The following CSMD1 variants were observed in gnomAD, a reference collection of about 807,000 sequenced individuals.
The protein encoded by CSMD1 is CUB and Sushi multiple domains 1, also known as CUB and sushi domain-containing protein 1.
A neutral mutation model predicts 417.5 loss-of-function variants in CSMD1; 213 were observed. The ratio of observed to expected loss-of-function variants is 0.51; its 90% CI spans 0.46 to 0.57. The LOEUF (loss-of-function observed/expected upper bound fraction) is 0.57. CSMD1 is among the 20% of genes least tolerant of loss of function. CSMD1 has a pLI of 0.00. For synonymous variants in CSMD1, 2,862 were observed against 1,736.8 expected (o/e 1.65, Z -16.11); for missense variants, 6,923 against 4,529.7 (o/e 1.53, Z -15.17).
chr8:3,995,275 A>G (rs931189338), intron 5 of CSMD1, among the ~76,000 whole-genome samples: 14 of 152,222 alleles, frequency 9.2e-5, no homozygotes, highest in African/African-American at 3.1e-4. Context: ...GCCTCCACTG[A>G]AGAGTCATTG....
rs944124399 is a variant in CSMD1 at position 3,475,318 on chromosome 8, A to G, written c.1449-6494T>C. On this transcript the variant is annotated intron_variant, in intron 11 of 69. Coordinates refer to ENST00000635120, the MANE Select transcript of CSMD1 (RefSeq NM_033225.6). ...CAATTTTATGTCTCTTGGCCACTTT[A>G]TCCCTAGTCTCTAGTAAATAACATA... is the stretch of plus-strand genomic sequence containing the variant. Among the ~76,000 whole-genome samples, 17 of 152,296 alleles carry G rather than the reference A, an allele frequency of 1.1e-4. 1 individual carries two copies. In the South Asian group the frequency reaches 3.5e-3, roughly 32 times the overall value.
chr8:4,143,932 C>G lies in CSMD1; in HGVS notation c.416-111833G>C, dbSNP rs375025028. Among the ~76,000 whole-genome samples the G allele has an allele frequency of 1.2e-3, 176 of 151,290 alleles. 10 individuals are homozygous for G. Among genetic ancestry groups the G allele is most frequent in the African/African-American group, 4.1e-3 (166 of 40,636 alleles). ...GGCTGGGGTGAATTGGCCCGTGTTGCAGATGAAGGGATGGCCAGTGCTTGG... is the reference window on the plus strand; with the variant it reads ...GGCTGGGGTGAATTGGCCCGTGTTGGAGATGAAGGGATGGCCAGTGCTTGG... On this transcript the variant is annotated intron_variant, in intron 3 of 69. Transcript: ENST00000635120.
intron 15 of CSMD1, among the ~76,000 whole-genome samples, chr8:3,404,170 C>A (rs1275289430): frequency 6.6e-6 from 1 of 152,026 alleles, no homozygotes; most frequent in Non-Finnish European, 1.5e-5. Context: ...GTCCCCTCTA[C>A]TAAAAATACA....
At position 3,366,306 on chromosome 8, in the gene CSMD1, C is replaced by T. The variant is rs182786650; in HGVS notation, c.3115+726G>A. 1.4e-3 allele frequency among the ~76,000 whole-genome samples: 216 copies of T among 152,192 alleles called. 1 individual carries two copies. Among genetic ancestry groups the T allele is most frequent in the African/African-American group, 4.6e-3 (193 of 41,524 alleles). ...TTCTCAGTGTGACCTGTTCACTGAGCATCATTTGTTTATGTGACCAAGTTT... is the reference window on the plus strand; with the variant it reads ...TTCTCAGTGTGACCTGTTCACTGAGTATCATTTGTTTATGTGACCAAGTTT... On this transcript the variant is annotated intron_variant, in intron 20 of 69. Coordinates refer to ENST00000635120, the MANE Select transcript of CSMD1 (RefSeq NM_033225.6).
intron 3 of CSMD1, among the ~76,000 whole-genome samples, chr8:4,112,850 T>A (rs753879497): frequency 1.3e-5 from 2 of 152,212 alleles, no homozygotes; most frequent in Non-Finnish European, 2.9e-5. Context: ...TTTGCTGATA[T>A]TGCGTTTTTA....
At chr8:4,622,655 C>G (rs1313197492) in intron 2 of CSMD1, among the ~76,000 whole-genome samples, 6 of 152,120 alleles carry the variant, frequency 3.9e-5, no homozygotes, top group African/African-American at 1.4e-4. Flanking sequence ...GGGCAATATG[C>G]TAATAACTGG....
At chr8:4,066,094 C>G (rs527254367) in intron 3 of CSMD1, among the ~76,000 whole-genome samples, 12 of 152,168 alleles carry the variant, frequency 7.9e-5, no homozygotes, top group Non-Finnish European at 1.6e-4. Context: ...ACAATGAAAA[C>G]AGTTCTGAGC....
In CSMD1 at chr8:3,012,600, A is replaced by G. The variant is rs1314031048; in HGVS notation, c.8029+5877T>C. ...AAATGCTTTTGTCAAAAAATCTTGC[A>G]CCAGGATGGAAAACATATTGGACCT... On this transcript the variant is annotated intron_variant, in intron 52 of 69. Coordinates refer to ENST00000635120, the MANE Select transcript of CSMD1 (RefSeq NM_033225.6). 4.4e-4 allele frequency among the ~76,000 whole-genome samples: 67 copies of G among 152,198 alleles called. 1 individual carries two copies. The highest frequency in any genetic ancestry group is 4.4e-3 in the Admixed American group (67 of 15,278).
At chr8:3,844,334 C>G (rs761245007) in intron 5 of CSMD1, among the ~76,000 whole-genome samples, 3 of 152,078 alleles carry the variant, frequency 2.0e-5, no homozygotes, top group East Asian at 1.9e-4. Context: ...AAGTCAATGA[C>G]AATACTTCAG....
chr8:2,983,601 CT>C (rs1277441282), intron 54 of CSMD1, among the ~76,000 whole-genome samples: 1 of 152,232 alleles, frequency 6.6e-6, no homozygotes, highest in African/African-American at 2.4e-5. Flanking sequence ...GAACCGTGGA[CT>C]TTCACTTGTA....
At chr8:4,752,096 C>T (rs1211792515) in intron 1 of CSMD1, among the ~76,000 whole-genome samples, 1 of 150,638 alleles carries the variant, frequency 6.6e-6, no homozygotes, top group African/African-American at 2.4e-5. Context: ...TGTGTGTGTA[C>T]ATGTATCACA....
intron 1 of CSMD1, among the ~76,000 whole-genome samples, chr8:4,842,220 G>T (rs986705825): frequency 2.0e-5 from 3 of 152,146 alleles, no homozygotes; most frequent in Non-Finnish European, 4.4e-5. Flanking sequence ...TTGAGTGTGG[G>T]AATTAAGGGA....
chr8:4,958,366 C>T (rs962615754), intron 1 of CSMD1, among the ~76,000 whole-genome samples: 2 of 151,854 alleles, frequency 1.3e-5, no homozygotes, highest in Admixed American at 1.3e-4. Context: ...TGATCTTTAC[C>T]CACCTATTTT....
At chr8:4,646,264 T>G (rs1217096626) in intron 1 of CSMD1, among the ~76,000 whole-genome samples, 1 of 152,220 alleles carries the variant, frequency 6.6e-6, no homozygotes, top group Non-Finnish European at 1.5e-5. Context: ...TAATTAGTTG[T>G]ATGTCAGGTA....
At position 2,937,944 on chromosome 8, in the gene CSMD1, C is replaced by T. The variant is rs1232185158; in HGVS notation, c.*641G>A. Reference sequence around the variant, plus strand: ...TAACACACTAGTGCAAAAAATTGTGCATTAAACATTCTGCGACAGAACAGC... The same window carrying T: ...TAACACACTAGTGCAAAAAATTGTGTATTAAACATTCTGCGACAGAACAGC... On this transcript the variant is annotated 3_prime_UTR_variant, in exon 70 of 70. Transcript: ENST00000635120. The T allele has an allele frequency of 6.6e-6, 1 of 152,548 alleles. No individual in the cohort carries two copies. Among genetic ancestry groups the T allele is most frequent in the African/African-American group, 2.4e-5 (1 of 41,408 alleles). The allele number at this position is 152,548 out of a possible 1,614,324, so 9.4% of individuals were successfully genotyped here. A position where few individuals can be genotyped will look rare whatever the true frequency, so the allele number is the denominator to read the frequency against.
intron 3 of CSMD1, among the ~76,000 whole-genome samples, chr8:4,164,810 A>T (rs934012261): frequency 2.0e-5 from 3 of 151,920 alleles, no homozygotes; most frequent in African/African-American, 7.3e-5. Flanking sequence ...CCAGAGGTGG[A>T]GCTTGCAGTG....
chr8:3,962,822 A>C (rs1812420333), intron 5 of CSMD1, among the ~76,000 whole-genome samples: 3 of 152,126 alleles, frequency 2.0e-5, no homozygotes, highest in Admixed American at 1.3e-4. Context: ...GTTTCTTTTC[A>C]CATTTTACAT....
At chr8:4,850,336 T>C (rs1801391438) in intron 1 of CSMD1, among the ~76,000 whole-genome samples, 1 of 151,368 alleles carries the variant, frequency 6.6e-6, no homozygotes, top group African/African-American at 2.4e-5. Context: ...GTCTTAATGG[T>C]CTCTTTGAAG....
chr8:4,503,377 G>A (rs895999926), intron 2 of CSMD1, among the ~76,000 whole-genome samples: 2 of 152,052 alleles, frequency 1.3e-5, no homozygotes, highest in Admixed American at 6.6e-5. Flanking sequence ...CTCAACTTTT[G>A]CTCAACTGTT....
Sources: gnomAD v4.1 joint callset for allele counts (sites outside exome capture counted in the v4.1 genomes callset) on GRCh38, gnomAD v4.1.1 for gene constraint, MANE v1.5 for transcripts, NCBI Gene and HGNC (gene_info 2026-07-23, HGNC 2026-07-21) for gene names.